Variants in CELSR1 observed in about 807,000 individuals in gnomAD.
CELSR1 encodes the protein cadherin EGF LAG seven-pass G-type receptor 1.
A neutral mutation model predicts 249.1 loss-of-function variants in CELSR1; 110 were observed. That is an observed-to-expected ratio of 0.44 (90% CI 0.38 to 0.52). The LOEUF (loss-of-function observed/expected upper bound fraction) is 0.52, where lower values mean the gene tolerates loss of function less well. Among genes scored for constraint, CELSR1 ranks in the 20% least tolerant of loss-of-function variants. CELSR1 has a pLI of 0.00. For synonymous variants in CELSR1, 2,113 were observed against 1,900.0 expected (o/e 1.11, Z -2.92); for missense variants, 4,109 against 4,296.4 (o/e 0.96, Z 1.22).
At chr22:46,516,482 A>G (rs1278934980) in intron 1 of CELSR1, among the ~76,000 whole-genome samples, 1 of 152,006 alleles carries the variant, frequency 6.6e-6, no homozygotes, top group Non-Finnish European at 1.5e-5. Flanking sequence ...GGGGAGGGAT[A>G]GCACACCGGT....
intron 2 of CELSR1, among the ~76,000 whole-genome samples, chr22:46,458,055 GAA>G (rs2079977673): frequency 9.2e-5 from 14 of 152,234 alleles, no homozygotes; most frequent in African/African-American, 3.4e-4. Context: ...GCAGAGGGAG[GAA>G]GGTGACAATG....
At chr22:46,364,867 G>A (rs1431162543) in intron 32 of CELSR1, 131 bp from the exon 33 acceptor site, 7 of 963,090 alleles carry the variant, frequency 7.3e-6, no homozygotes, top group Admixed American at 2.8e-5. Flanking sequence ...AACCCTAAAG[G>A]TGGGGAAACT....
chr22:46,475,805 C>CA (rs1212578838), intron 1 of CELSR1, among the ~76,000 whole-genome samples: 1 of 152,090 alleles, frequency 6.6e-6, no homozygotes, highest in East Asian at 1.9e-4. Flanking sequence ...ATTTCATGTA[C>CA]AAAATAAAGC....
At chr22:46,503,910 C>T (rs1344343594) in intron 1 of CELSR1, among the ~76,000 whole-genome samples, 3 of 152,090 alleles carry the variant, frequency 2.0e-5, no homozygotes, top group East Asian at 1.9e-4. Flanking sequence ...GATGTGCATC[C>T]GTAGTCCCAG....
At chr22:46,528,825 A>T (rs1008820552) in intron 1 of CELSR1, among the ~76,000 whole-genome samples, 4 of 151,722 alleles carry the variant, frequency 2.6e-5, no homozygotes, top group Admixed American at 2.0e-4. Context: ...GCTACTCGGG[A>T]GGCTGAGGCA....
intron 3 of CELSR1, 83 bp downstream of exon 3, chr22:46,439,106 C>A: frequency 7.6e-7 from 1 of 1,319,558 alleles, no homozygotes; most frequent in Non-Finnish European, 1.1e-6. Flanking sequence ...ATCAACGTCA[C>A]GATCTAGAGG....
chr22:46,476,985 ATT>A (rs923049125), intron 1 of CELSR1, among the ~76,000 whole-genome samples: 3 of 152,152 alleles, frequency 2.0e-5, no homozygotes, highest in Non-Finnish European at 4.4e-5. Context: ...CTTAGTAAAA[ATT>A]TGTCTTATTT....
chr22:46,505,375 C>CAT (rs2080505745), intron 1 of CELSR1, among the ~76,000 whole-genome samples: 1 of 150,956 alleles, frequency 6.6e-6, no homozygotes, highest in Non-Finnish European at 1.5e-5. Context: ...GGCTCACACT[C>CAT]ATAATCCCAG....
rs1026890078 is a variant in CELSR1 at position 46,406,980 on chromosome 22, G to C, written c.5226+2016C>G. 1.3e-5 allele frequency among the ~76,000 whole-genome samples: 2 copies of C among 152,254 alleles called. No homozygotes were observed. The highest frequency in any genetic ancestry group is 2.1e-4 in the South Asian group (1 of 4,836). ...ACACGCAGCCCAGACGCCGCTTTGG[G>C]AGGGACTTCCTGACCGCAGGAGCGG... is the stretch of plus-strand genomic sequence containing the variant. On this transcript the variant is annotated intron_variant, in intron 9 of 34. Coordinates refer to ENST00000674500, the MANE Select transcript of CELSR1 (RefSeq NM_001378328.1). This position sits in a 1 kb window ranked among gnomAD's most constrained non-coding sequence, Gnocchi z 5.4.
At chr22:46,424,763 A>T (rs1032538927) in intron 5 of CELSR1, among the ~76,000 whole-genome samples, 2 of 152,254 alleles carry the variant, frequency 1.3e-5, no homozygotes, top group African/African-American at 4.8e-5. Context: ...ACTTGAGGTC[A>T]GGAGTTCAAA....
chr22:46,489,262 G>A (rs1027440906), intron 1 of CELSR1, among the ~76,000 whole-genome samples: 7 of 151,780 alleles, frequency 4.6e-5, no homozygotes, highest in African/African-American at 1.7e-4. Flanking sequence ...TCATTGTCCT[G>A]GGGCACCTTC....
chr22:46,535,435 G>C lies in CELSR1; in HGVS notation c.1736C>G (p.Pro579Arg). The C allele has an allele frequency of 6.2e-7, 1 of 1,608,166 alleles. No individual in the cohort carries two copies. The highest frequency in any genetic ancestry group is 8.5e-7 in the Non-Finnish European group (1 of 1,177,294). The change falls in exon 1 of 35, where the codon CCC (proline) becomes CGC (arginine). Residue 579 changes from proline (P) to arginine (R), a missense_variant. This residue lies in a region of CELSR1 where 135 missense variants were observed against 190.0 expected (regional missense o/e 0.71). Transcript: ENST00000674500. Reference protein sequence around the residue: ...PFQATVLENVPLGYPVVHIQA... With the variant: ...PFQATVLENVRLGYPVVHIQA... ...AATGTGCACCACGGGGTAGCCCAGGGGCACATTCTCCAGCACCGTGGCCTG... is the reference window on the plus strand; with the variant it reads ...AATGTGCACCACGGGGTAGCCCAGGCGCACATTCTCCAGCACCGTGGCCTG...
In CELSR1 at chr22:46,433,333, C is replaced by A. The variant is rs533391328; in HGVS notation, c.4611+60G>T. 65 of 1,383,628 alleles carry A rather than the reference C, an allele frequency of 4.7e-5. No homozygotes were observed. The African/African-American group carries it at 8.7e-4, about 19-fold the overall frequency. The allele number at this position is 1,383,628 out of a possible 1,614,324, so 85.7% of individuals were successfully genotyped here. On this transcript the variant is annotated intron_variant, in intron 5 of 34. Coordinates refer to ENST00000674500, the MANE Select transcript of CELSR1 (RefSeq NM_001378328.1). This position sits in a 1 kb window ranked among gnomAD's most constrained non-coding sequence, Gnocchi z 5.7. Reference sequence around the variant, plus strand: ...TACAGGCGTGAGCCACTGCGCCTCGCCCCAGGGCACCTTCTCGAGCCGCCC... The same window carrying A: ...TACAGGCGTGAGCCACTGCGCCTCGACCCAGGGCACCTTCTCGAGCCGCCC...
chr22:46,421,206 TG>T lies in CELSR1; in HGVS notation c.4612-9448del, dbSNP rs746881588. The stretch of plus-strand genomic sequence containing the variant: ...ACCACCACCCTCCCTGCCGAGGTGC[TG>T]GGGGGGTAGAGGCGGGAAAGGCCAG... On this transcript the variant is annotated intron_variant, in intron 5 of 34. Transcript: ENST00000674500. Among the ~76,000 whole-genome samples the T allele has an allele frequency of 5.0e-5, 7 of 138,986 alleles. No homozygotes were observed. The South Asian group carries it at 9.6e-4, about 19-fold the overall frequency. The allele number at this position is 138,986 out of a possible 152,430, so 91.2% of individuals were successfully genotyped here.
rs368356855 is a variant in CELSR1 at position 46,380,763 on chromosome 22, A to G, written c.7256+25T>C. 2 of 1,606,336 alleles carry G rather than the reference A, an allele frequency of 1.2e-6. No homozygotes were observed. Among genetic ancestry groups the G allele is most frequent in the South Asian group, 2.2e-5 (2 of 90,952 alleles). ...CACTCTGCCTTGGCAAAGCCCTCAC[A>G]TGGGGCTCCTGGCGTCACACTTACG... On this transcript the variant is annotated intron_variant, in intron 22 of 34. Transcript: ENST00000674500. The surrounding 1 kb of genome is among the most constrained non-coding windows in gnomAD (Gnocchi z 5.1).
rs768768128 is a variant in CELSR1, at chr22:46,464,002, C to A, written c.3888G>T (p.Thr1296=). ...LNRTLLTTIS[T]QRVLPFDDNI... is the part of the protein sequence containing the mutation. Reference sequence around the variant, plus strand: ...TGTCGTCGAAGGGCAGCACGCGCTGCGTGGAGATGGTGGTCAGCAGCGTCC... The same window carrying A: ...TGTCGTCGAAGGGCAGCACGCGCTGAGTGGAGATGGTGGTCAGCAGCGTCC... The change falls in exon 2 of 35, where the codon ACG becomes ACT. Residue 1296 remains threonine (T), a synonymous_variant. Transcript: ENST00000674500. This position sits in a 1 kb window ranked among gnomAD's most constrained non-coding sequence, Gnocchi z 8.5. The A allele has an allele frequency of 2.5e-6, 4 of 1,613,864 alleles. No homozygotes were observed. Among genetic ancestry groups the A allele is most frequent in the South Asian group, 2.2e-5 (2 of 91,086 alleles).
At position 46,447,248 on chromosome 22, in the gene CELSR1, T is replaced by G. The variant is rs537050843; in HGVS notation, c.4184-7837A>C. 6.8e-4 allele frequency among the ~76,000 whole-genome samples: 103 copies of G among 152,224 alleles called. No individual in the cohort carries two copies. Among genetic ancestry groups the G allele is most frequent in the Admixed American group, 2.6e-3 (39 of 15,286 alleles). ...GGTAAATAGGTCAAATTTAGTGAGC[T>G]CTGTGTCTTTTAGCTCTGTATCTTT... On this transcript the variant is annotated intron_variant, in intron 2 of 34. Transcript: ENST00000674500. The surrounding 1 kb of genome is among the most constrained non-coding windows in gnomAD (Gnocchi z 4.7).
Position 46,386,420 on chromosome 22 carries a change from T to C in CELSR1, c.6721A>G (p.Ile2241Val). 1 of 1,584,396 alleles carries C rather than the reference T, an allele frequency of 6.3e-7. No homozygotes were observed. Among genetic ancestry groups the C allele is most frequent in the Non-Finnish European group, 8.6e-7 (1 of 1,165,364 alleles). The change falls in exon 19 of 35, where the codon ATC (isoleucine) becomes GTC (valine). Residue 2241 changes from isoleucine (I) to valine (V), a missense_variant. Physicochemically the swap from Ile to Val is conservative, Grantham distance 29. Around this residue, in one of 7 missense-constraint regions of CELSR1, gnomAD observed 1,805 missense variants for 1,831.6 expected, o/e 0.99. Coordinates refer to ENST00000674500, the MANE Select transcript of CELSR1 (RefSeq NM_001378328.1). ...VRRTYLRPFVIVTANMILAVD... is the reference protein window; with the variant it reads ...VRRTYLRPFVVVTANMILAVD... ...GCCTTACTCATGTTGGCGGTGACGA[T>C]GACGAAGGGCCGCAGGTACGTCCGC...
chr22:46,493,173 C>T (rs753815336), intron 1 of CELSR1, among the ~76,000 whole-genome samples: 38 of 151,930 alleles, frequency 2.5e-4, no homozygotes, highest in Admixed American at 2.4e-3. Context: ...TCAGTTGAGC[C>T]CAGGAGTTGG....
Sources: gnomAD v4.1 joint callset for allele counts (sites outside exome capture counted in the v4.1 genomes callset) on GRCh38, gnomAD v4.1.1 for gene constraint, gnomAD v4.1.1 regional missense constraint, Gnocchi (gnomAD v3.1) non-coding constraint, MANE v1.5 for transcripts, NCBI Gene and HGNC (gene_info 2026-07-23, HGNC 2026-07-21) for gene names.